SPICE1: variants seen among roughly 807,000 people sequenced by gnomAD.
The protein encoded by SPICE1 is spindle and centriole associated protein 1.
Under a neutral mutation model 102.7 loss-of-function variants are expected in SPICE1, and 75 were observed. That is an observed-to-expected ratio of 0.73 (90% CI 0.61 to 0.88). The LOEUF (loss-of-function observed/expected upper bound fraction) is 0.88, where lower values mean the gene tolerates loss of function less well. Ranked by LOEUF, SPICE1 falls within the 40% of genes least tolerant of loss-of-function variation. SPICE1 has a pLI of 0.00. For synonymous variants in SPICE1, 308 were observed against 350.3 expected, an observed-to-expected ratio of 0.88 and a Z score of 1.35; for missense variants, 979 against 1,020.1, an observed-to-expected ratio of 0.96 and a Z score of 0.55.
At chr3:113,482,911 G>C (rs1209399306) in intron 7 of SPICE1, among the ~76,000 whole-genome samples, 1 of 152,042 alleles carries the variant, frequency 6.6e-6, no homozygotes, top group Non-Finnish European at 1.5e-5. Context: ...TCCATAAGAA[G>C]TTTAAAGTAG....
Position 113,443,633 on chromosome 3 carries a change from A to G in SPICE1, c.*1674T>C, listed in dbSNP as rs1935444719. 1 of 152,368 alleles carries G rather than the reference A, an allele frequency of 6.6e-6. No individual in the cohort carries two copies. Among genetic ancestry groups the G allele is most frequent in the South Asian group, 2.1e-4 (1 of 4,828 alleles). 9.4% of individuals were successfully genotyped at this position (152,368 alleles called of 1,614,324 possible). Reference sequence around the variant, plus strand: ...CTATTCTTATTATTATGCTGCTTCCATACTACACACACTGTAAAACAGGTT... The same window carrying G: ...CTATTCTTATTATTATGCTGCTTCCGTACTACACACACTGTAAAACAGGTT... On this transcript the variant is annotated 3_prime_UTR_variant, in exon 18 of 18. Transcript: ENST00000295872.
intron 11 of SPICE1, among the ~76,000 whole-genome samples, chr3:113,464,162 CTA>C (rs914800243): frequency 9.9e-5 from 15 of 151,526 alleles, no homozygotes; most frequent in African/African-American, 1.9e-4. Flanking sequence ...TTCAAACATA[CTA>C]AAAACACTGA....
intron 14 of SPICE1, 55 bp downstream of exon 14, chr3:113,453,411 A>G: frequency 1.3e-6 from 2 of 1,524,104 alleles, no homozygotes; most frequent in Non-Finnish European, 1.8e-6. Flanking sequence ...TGCCCAAGCT[A>G]AAGTTCCTAT....
At chr3:113,493,763 A>C (rs1936815103) in intron 5 of SPICE1, among the ~76,000 whole-genome samples, 2 of 152,228 alleles carry the variant, frequency 1.3e-5, no homozygotes, top group Non-Finnish European at 2.9e-5. Context: ...AGCTTTATTC[A>C]AGTCACATTT....
At chr3:113,512,279 CCTT>C (rs2107512644) in intron 1 of SPICE1, among the ~76,000 whole-genome samples, 1 of 152,238 alleles carries the variant, frequency 6.6e-6, no homozygotes, top group African/African-American at 2.4e-5. Context: ...CCATCTTTGC[CCTT>C]CTCTTGCCAT....
intron 2 of SPICE1, 73 bp downstream of exon 2, chr3:113,506,434 T>C (rs1174854939): frequency 1.9e-5 from 23 of 1,215,024 alleles, no homozygotes; most frequent in Non-Finnish European, 2.4e-5. Flanking sequence ...CCATCTTGCA[T>C]GACTAGGGCC....
chr3:113,475,166 ATAAACTAGAAAAT>A (rs1936309979), intron 7 of SPICE1, among the ~76,000 whole-genome samples: 1 of 152,204 alleles, frequency 6.6e-6, no homozygotes, highest in Non-Finnish European at 1.5e-5. Context: ...CTCTACGCAA[ATAAACTAGAAAAT>A]CTAGAAGAAA....
At chr3:113,496,059 CTTTTTTTT>C (rs10557473) in intron 4 of SPICE1, among the ~76,000 whole-genome samples, 1 of 82,934 alleles carries the variant, frequency 1.2e-5, no homozygotes, top group Admixed American at 1.3e-4. Context: ...TTTTTTACAA[CTTTTTTTT>C]TTTTTTTTTT....
intron 12 of SPICE1, among the ~76,000 whole-genome samples, chr3:113,459,153 C>G (rs2107453640): frequency 6.6e-6 from 1 of 152,276 alleles, no homozygotes; most frequent in South Asian, 2.1e-4. Flanking sequence ...GTGCTGTGTC[C>G]ACTAAGGGTT....
Position 113,477,613 on chromosome 3 carries a change from A to G in SPICE1, c.612-8375T>C, listed in dbSNP as rs569647676. Among the ~76,000 whole-genome samples, 10 of 152,310 alleles carry G rather than the reference A, an allele frequency of 6.6e-5. No individual in the cohort carries two copies. In the East Asian group the frequency reaches 1.9e-3, roughly 29 times the overall value. ...ATGGAATACTATGCAGCCTTAAAAA[A>G]TGATAAGTTCATGTCCTTTGTAGGG... On this transcript the variant is annotated intron_variant, in intron 7 of 17. Coordinates refer to ENST00000295872, the MANE Select transcript of SPICE1 (RefSeq NM_144718.4).
At chr3:113,476,915 A>G (rs1202029792) in intron 7 of SPICE1, among the ~76,000 whole-genome samples, 1 of 152,226 alleles carries the variant, frequency 6.6e-6, no homozygotes, top group African/African-American at 2.4e-5. Flanking sequence ...CAATGGCAAC[A>G]AAGCCAAAAT....
chr3:113,453,643 C>G lies in SPICE1; in HGVS notation c.1965G>C (p.Gln655His). 1 of 1,614,134 alleles carries G rather than the reference C, an allele frequency of 6.2e-7. No homozygotes were observed. The highest frequency in any genetic ancestry group is 8.5e-7 in the Non-Finnish European group (1 of 1,180,034). Residue 655 changes from glutamine to histidine, a missense_variant, in exon 14 of 18, where the codon CAG becomes CAC. Coordinates refer to ENST00000295872, the MANE Select transcript of SPICE1 (RefSeq NM_144718.4). ...EELPVLGDGQ[Q>H]LRTNESLIQR... is the part of the protein sequence containing the mutation. ...GTATTAATGACTCATTTGTTCTCAG[C>G]TGCTGCCCATCTCCCAGTACTGGGA...
chr3:113,504,571 C>CAAAAAAAAAAAAAAAAAA (rs71633321), intron 2 of SPICE1, among the ~76,000 whole-genome samples: 2 of 67,856 alleles, frequency 2.9e-5, no homozygotes, highest in African/African-American at 1.1e-4. Context: ...GACCTTGTCT[C>CAAAAAAAAAAAAAAAAAA]AAAAAAAAAA....
chr3:113,458,860 C>T (rs1227745336), intron 12 of SPICE1, among the ~76,000 whole-genome samples: 6 of 151,442 alleles, frequency 4.0e-5, no homozygotes, highest in South Asian at 2.1e-4. Flanking sequence ...TCTGCCCGGC[C>T]GCCCCGTCTG....
chr3:113,457,058 A>G, intron 13 of SPICE1, 78 bp downstream of exon 13: 4 of 1,387,558 alleles, frequency 2.9e-6, no homozygotes, highest in Non-Finnish European at 4.0e-6. Flanking sequence ...TCTGTTTTTC[A>G]TGTAATGGTG....
In SPICE1 at chr3:113,453,956, G is replaced by T; in HGVS notation, c.1658-6C>A. On this transcript the variant is annotated splice_polypyrimidine_tract_variant and splice_region_variant and intron_variant, in intron 13 of 17. Coordinates refer to ENST00000295872, the MANE Select transcript of SPICE1 (RefSeq NM_144718.4). ...TTGAACAGTCCTTCTCAATACTATA[G>T]ATAAGAATTTAAAAATAACAAATAT... 6.3e-7 allele frequency: 1 copy of T among 1,578,340 alleles called. No individual in the cohort carries two copies. Among genetic ancestry groups the T allele is most frequent in the Non-Finnish European group, 8.6e-7 (1 of 1,164,258 alleles).
chr3:113,460,396 T>C, intron 12 of SPICE1: 2 of 936,524 alleles, frequency 2.1e-6, no homozygotes, highest in African/African-American at 1.8e-5. Context: ...CAGACTATTA[T>C]GACACGAATT....
intron 7 of SPICE1, among the ~76,000 whole-genome samples, chr3:113,473,870 T>A (rs928216323): frequency 1.3e-5 from 2 of 150,482 alleles, no homozygotes; most frequent in Admixed American, 1.3e-4. Context: ...AGGAAGAAAC[T>A]GCATCAACTA....
At chr3:113,510,616 CT>C (rs943652871) in intron 1 of SPICE1, among the ~76,000 whole-genome samples, 2 of 152,092 alleles carry the variant, frequency 1.3e-5, no homozygotes, top group Non-Finnish European at 2.9e-5. Flanking sequence ...CAAAAATCAA[CT>C]CAGGATAATT....
Sources: gnomAD v4.1 joint callset for allele counts (sites outside exome capture counted in the v4.1 genomes callset) on GRCh38, gnomAD v4.1.1 for gene constraint, MANE v1.5 for transcripts, NCBI Gene and HGNC (gene_info 2026-07-23, HGNC 2026-07-21) for gene names.